The following SHQ1 variants were observed in gnomAD, a reference collection of about 807,000 sequenced individuals.
SHQ1 encodes the protein SHQ1, H/ACA ribonucleoprotein assembly factor.
In SHQ1, 49 loss-of-function variants were observed where a neutral mutation model predicts 53.8. That is an observed-to-expected ratio of 0.91 (90% confidence interval 0.72 to 1.16). The LOEUF (loss-of-function observed/expected upper bound fraction) is 1.16, where lower values mean the gene tolerates loss of function less well. SHQ1 is among the 50% of genes most tolerant of loss of function. SHQ1 has a pLI of 0.00. For synonymous variants in SHQ1, 243 were observed against 251.0 expected (o/e 0.97, Z 0.30); for missense variants, 738 against 683.1 (o/e 1.08, Z -0.90).
At chr3:72,827,786 ACT>A (rs757200723) in intron 5 of SHQ1, among the ~76,000 whole-genome samples, 169 of 124,406 alleles carry the variant, frequency 1.4e-3, no homozygotes, top group Non-Finnish European at 2.3e-3. Flanking sequence ...ACAGAGTCTC[ACT>A]CTGTTGCCCA....
intron 10 of SHQ1, among the ~76,000 whole-genome samples, chr3:72,785,529 C>T (rs1203215697): frequency 6.6e-6 from 1 of 152,182 alleles, no homozygotes; most frequent in East Asian, 1.9e-4. Context: ...GATAGGATTT[C>T]TTATCTGACC....
chr3:72,776,231 C>T (rs1179731396), intron 10 of SHQ1, among the ~76,000 whole-genome samples: 1 of 152,212 alleles, frequency 6.6e-6, no homozygotes, highest in East Asian at 1.9e-4. Flanking sequence ...TAATGTGCCA[C>T]ATAACAACGT....
At chr3:72,840,673 T>C (rs1433040979) in intron 4 of SHQ1, among the ~76,000 whole-genome samples, 4 of 152,182 alleles carry the variant, frequency 2.6e-5, no homozygotes, top group Admixed American at 6.5e-5. Context: ...ATTTCATTTA[T>C]ATACAGAAAA....
At position 72,842,301 on chromosome 3, in the gene SHQ1, T is replaced by C; in HGVS notation, c.310A>G (p.Lys104Glu). Residue 104 changes from lysine (K) to glutamate (E), a missense_variant, in exon 3 of 11, where the codon AAA (lysine) becomes GAA (glutamate). Physicochemically the swap from Lys to Glu is moderately conservative, Grantham distance 56. Transcript: ENST00000325599. ...ATACCTATTTCTTCCACAAGTGGTT[T>C]TGCTGTCCTGGATTTTCTTGGTGCC... Reference protein sequence around the residue: ...LLAPRKSRTAKPLVEEIGASE... With the variant: ...LLAPRKSRTAEPLVEEIGASE... 1.2e-6 allele frequency: 2 copies of C among 1,613,830 alleles called. No individual in the cohort carries two copies. The highest frequency in any genetic ancestry group is 1.7e-6 in the Non-Finnish European group (2 of 1,179,788).
intron 10 of SHQ1, among the ~76,000 whole-genome samples, chr3:72,777,423 G>A (rs1234137785): frequency 6.6e-6 from 1 of 152,136 alleles, no homozygotes. Context: ...AACACCAATG[G>A]CTCATAAACA....
At chr3:72,785,913 C>T (rs1248328112) in intron 10 of SHQ1, among the ~76,000 whole-genome samples, 3 of 152,184 alleles carry the variant, frequency 2.0e-5, no homozygotes, top group Non-Finnish European at 4.4e-5. Flanking sequence ...ATGTTCCTGG[C>T]TCCCTCTTTA....
intron 10 of SHQ1, among the ~76,000 whole-genome samples, chr3:72,773,759 G>A (rs1705901897): frequency 6.6e-6 from 1 of 152,124 alleles, no homozygotes; most frequent in African/African-American, 2.4e-5. Flanking sequence ...GTGGAGTAGG[G>A]AATCAAAGAC....
At chr3:72,817,518 A>C in intron 6 of SHQ1, 134 bp from the exon 7 acceptor site, 2 of 804,926 alleles carry the variant, frequency 2.5e-6, no homozygotes, top group East Asian at 2.7e-5. Context: ...ATGGATATAT[A>C]AATAACTTAA....
At chr3:72,836,684 G>A (rs536374841) in intron 4 of SHQ1, among the ~76,000 whole-genome samples, 34 of 152,172 alleles carry the variant, frequency 2.2e-4, no homozygotes, top group Admixed American at 1.8e-3. Context: ...AAAAGAAACA[G>A]AAACAAACTA....
chr3:72,844,267 T>A (rs1708264202), intron 2 of SHQ1, 92 bp downstream of exon 2: 2 of 1,057,392 alleles, frequency 1.9e-6, no homozygotes, highest in Admixed American at 4.2e-5. Flanking sequence ...TTGAAAGACA[T>A]CAAAAGGTCC....
At chr3:72,754,247 G>C (rs1705451608) in intron 10 of SHQ1, among the ~76,000 whole-genome samples, 1 of 152,144 alleles carries the variant, frequency 6.6e-6, no homozygotes, top group Admixed American at 6.5e-5. Context: ...GAGAGCCGCT[G>C]AGGTTCACTC....
At chr3:72,766,514 G>T (rs1380316037) in intron 10 of SHQ1, among the ~76,000 whole-genome samples, 1 of 152,096 alleles carries the variant, frequency 6.6e-6, no homozygotes, top group South Asian at 2.1e-4. Context: ...AGACATAGAG[G>T]TTTAATAAAA....
chr3:72,733,469 A>G, the SHQ1 span, among the ~76,000 whole-genome samples: 3 of 151,674 alleles, frequency 2.0e-5, no homozygotes, highest in Non-Finnish European at 2.9e-5. Context: ...TTTACATTCT[A>G]TCAGATAGAG....
chr3:72,812,879 A>C, intron 8 of SHQ1, 85 bp from the exon 9 acceptor site: 7 of 1,507,438 alleles, frequency 4.6e-6, no homozygotes, highest in South Asian at 1.2e-5. Flanking sequence ...AGCTTTTCTC[A>C]TTTAAAAGCT....
chr3:72,783,121 T>G (rs1706119966), intron 10 of SHQ1, among the ~76,000 whole-genome samples: 1 of 152,114 alleles, frequency 6.6e-6, no homozygotes, highest in African/African-American at 2.4e-5. Flanking sequence ...TTGGGCAGTC[T>G]ACAGCCAAGT....
chr3:72,743,925 G>T, the SHQ1 span, among the ~76,000 whole-genome samples: 2 of 152,194 alleles, frequency 1.3e-5, no homozygotes, highest in African/African-American at 4.8e-5. Context: ...GGAGGAAGTG[G>T]CAGTTGAATG....
intron 4 of SHQ1, among the ~76,000 whole-genome samples, chr3:72,837,131 G>C (rs1009340744): frequency 1.3e-5 from 2 of 152,130 alleles, no homozygotes; most frequent in African/African-American, 4.8e-5. Flanking sequence ...CCAGAAGCTT[G>C]TTGTGAAGTC....
intron 10 of SHQ1, among the ~76,000 whole-genome samples, chr3:72,776,898 A>C (rs1002075420): frequency 6.6e-6 from 1 of 152,190 alleles, no homozygotes; most frequent in East Asian, 1.9e-4. Flanking sequence ...ACCTAGAAAC[A>C]GATCCACACA....
rs114459020 is a variant in SHQ1, at chr3:72,774,112, G to A, written c.1181+18804C>T. On this transcript the variant is annotated intron_variant, in intron 10 of 10. Transcript: ENST00000325599. ...GATGGTAAGGCAAAAAGCATTATTA[G>A]TGATACATTTTAACCTACCAAGAAG... Among the ~76,000 whole-genome samples the A allele has an allele frequency of 4.9e-3, 749 of 152,288 alleles. 5 individuals are homozygous for A. The highest frequency in any genetic ancestry group is 0.017 in the African/African-American group (716 of 41,560).
Sources: allele counts gnomAD v4.1 joint callset (sites outside exome capture counted in the v4.1 genomes callset), GRCh38; gene constraint gnomAD v4.1.1; transcripts MANE v1.5; gene names NCBI Gene and HGNC (gene_info 2026-07-23, HGNC 2026-07-21).